FRMD3: variants seen among roughly 807,000 people sequenced by gnomAD.
The protein encoded by FRMD3 is FERM domain containing 3.
Under a neutral mutation model 70.2 loss-of-function variants are expected in FRMD3, and 33 were observed. The ratio of observed to expected loss-of-function variants is 0.47; its 90% CI spans 0.36 to 0.63. The LOEUF is 0.63. FRMD3 is among the 20% of genes least tolerant of loss of function. The pLI is 0.00. For missense variants in FRMD3, 632 were observed against 711.4 expected (o/e 0.89, Z 1.27); for synonymous variants, 279 against 255.9 (o/e 1.09, Z -0.86).
At position 83,506,221 on chromosome 9, in the gene FRMD3, A is replaced by G. The variant is rs373417593; in HGVS notation, c.147+31864T>C. Among the ~76,000 whole-genome samples, 39 of 152,382 alleles carry G rather than the reference A, an allele frequency of 2.6e-4. No homozygotes were observed. In the East Asian group the frequency reaches 4.2e-3, roughly 17 times the overall value. On this transcript the variant is annotated intron_variant, in intron 1 of 13. Coordinates refer to ENST00000304195, the MANE Select transcript of FRMD3 (RefSeq NM_174938.6). ...ATTTTTTTTTAAAGTTAAAGCTAGC[A>G]AAGTAGTTTGTAATAGCCAAAACTA... is the stretch of plus-strand genomic sequence containing the variant.
At chr9:83,331,787 C>CT in intron 6 of FRMD3, 1 of 705,288 alleles carries the variant, frequency 1.4e-6, no homozygotes, top group South Asian at 1.5e-5. Context: ...AAAAACAACT[C>CT]TATTAGTCAA....
intron 1 of FRMD3, among the ~76,000 whole-genome samples, chr9:83,407,748 G>C (rs1171148930): frequency 6.6e-6 from 1 of 151,798 alleles, no homozygotes; most frequent in African/African-American, 2.4e-5. Flanking sequence ...CTATATTACT[G>C]GAGTCTGATG....
In FRMD3 at chr9:83,248,149, C is replaced by G. The variant is rs1174219680; in HGVS notation, c.1563G>C (p.Val521=). 6.2e-7 allele frequency: 1 copy of G among 1,614,162 alleles called. No individual in the cohort carries two copies. The highest frequency in any genetic ancestry group is 8.5e-7 in the Non-Finnish European group (1 of 1,180,032). Residue 521 remains valine (V), a synonymous_variant, in exon 14 of 14, where the codon GTG becomes GTC. Coordinates refer to ENST00000304195, the MANE Select transcript of FRMD3 (RefSeq NM_174938.6). ...TGGAAAAACTCTTGACCAGTGGGTTCACCCGAATATGGCCAGTCAGAATGT... is the reference window on the plus strand; with the variant it reads ...TGGAAAAACTCTTGACCAGTGGGTTGACCCGAATATGGCCAGTCAGAATGT... The part of the protein sequence containing the change: ...SYDILTGHIR[V]NPLVKSFSRL...
In FRMD3 at chr9:83,510,131, G is replaced by C. The variant is rs1352749738; in HGVS notation, c.147+27954C>G. ...GTCCCCCAGCCCCGCAGATGAAAGAGGTTTCAGCATGAAGATGCCCCATAG... is the reference window on the plus strand; with the variant it reads ...GTCCCCCAGCCCCGCAGATGAAAGACGTTTCAGCATGAAGATGCCCCATAG... On this transcript the variant is annotated intron_variant, in intron 1 of 13. Coordinates refer to ENST00000304195, the MANE Select transcript of FRMD3 (RefSeq NM_174938.6). Among the ~76,000 whole-genome samples the C allele has an allele frequency of 5.3e-5, 8 of 152,316 alleles. No individual in the cohort carries two copies. In the East Asian group the frequency reaches 1.3e-3, roughly 26 times the overall value.
chr9:83,407,278 C>T (rs2131331059), intron 1 of FRMD3, among the ~76,000 whole-genome samples: 2 of 152,278 alleles, frequency 1.3e-5, no homozygotes, highest in South Asian at 4.1e-4. Flanking sequence ...ATACTTGGTA[C>T]AAATATTCAT....
At chr9:83,316,616 T>G (rs1295281189) in intron 6 of FRMD3, among the ~76,000 whole-genome samples, 1 of 152,242 alleles carries the variant, frequency 6.6e-6, no homozygotes, top group Non-Finnish European at 1.5e-5. Context: ...TATATGTATA[T>G]AGAGAATATC....
intron 1 of FRMD3, among the ~76,000 whole-genome samples, chr9:83,475,117 T>C (rs1828363794): frequency 6.6e-6 from 1 of 152,104 alleles, no homozygotes; most frequent in Non-Finnish European, 1.5e-5. Context: ...AATTAAAAAT[T>C]ACCGGGCATA....
Position 83,246,282 on chromosome 9 carries a change from T to C in FRMD3, c.*1636A>G, listed in dbSNP as rs4877746. Reference sequence around the variant, plus strand: ...GAAGCTCTATGCTCCATGGCATAAGTTCTAGACTCTTATCTTTCTCCCACA... The same window carrying C: ...GAAGCTCTATGCTCCATGGCATAAGCTCTAGACTCTTATCTTTCTCCCACA... On this transcript the variant is annotated 3_prime_UTR_variant, in exon 14 of 14. Coordinates refer to ENST00000304195, the MANE Select transcript of FRMD3 (RefSeq NM_174938.6). The C allele has an allele frequency of 0.78, 767,223 of 983,940 alleles. 303,452 individuals carry two copies. The highest frequency in any genetic ancestry group is 0.96 in the East Asian group (8,400 of 8,744). 61.0% of individuals were successfully genotyped at this position (983,940 alleles called of 1,614,324 possible).
intron 13 of FRMD3, among the ~76,000 whole-genome samples, chr9:83,254,727 C>A: frequency 6.6e-6 from 1 of 152,026 alleles, no homozygotes; most frequent in East Asian, 1.9e-4. Flanking sequence ...TACAAACAAC[C>A]ATCAGAAAAT....
chr9:83,542,857 A>G (rs1186370663), upstream of FRMD3, among the ~76,000 whole-genome samples: 1 of 152,192 alleles, frequency 6.6e-6, no homozygotes, highest in Non-Finnish European at 1.5e-5. Flanking sequence ...GAGAAAGGAT[A>G]ATCTTTTTGA....
intron 1 of FRMD3, among the ~76,000 whole-genome samples, chr9:83,530,106 T>G (rs76285886): frequency 6.6e-6 from 1 of 152,102 alleles, no homozygotes; most frequent in Admixed American, 6.6e-5. Flanking sequence ...AAACACAGAG[T>G]TACCATATGA....
chr9:83,564,289 G>A, the FRMD3 span, among the ~76,000 whole-genome samples: 91 of 152,222 alleles, frequency 6.0e-4, no homozygotes, highest in East Asian at 0.014. Flanking sequence ...TCCACTTACT[G>A]CCTAAGCATT....
chr9:83,265,206 C>G (rs1833188603), intron 13 of FRMD3, among the ~76,000 whole-genome samples: 1 of 151,922 alleles, frequency 6.6e-6, no homozygotes, highest in Non-Finnish European at 1.5e-5. Context: ...TGGGATCATC[C>G]TGGCTAACAC....
intron 1 of FRMD3, among the ~76,000 whole-genome samples, chr9:83,442,173 C>T (rs182452336): frequency 1.3e-5 from 2 of 151,734 alleles, no homozygotes; most frequent in African/African-American, 2.4e-5. Context: ...TGAGAGTCTA[C>T]TAGTGCCAGA....
chr9:83,417,601 G>A (rs184831874), intron 1 of FRMD3, among the ~76,000 whole-genome samples: 7 of 152,206 alleles, frequency 4.6e-5, no homozygotes, highest in African/African-American at 1.7e-4. Context: ...ATATCCAAGA[G>A]GAGGTGTCTA....
chr9:83,273,202 T>C lies in FRMD3; in HGVS notation c.1195+17401A>G, dbSNP rs1286805128. ...TTGTCGAATAGAAAAGGGGGAAATGTGGGGAAAAGATAGAGAAATCAGATT... is the reference window on the plus strand; with the variant it reads ...TTGTCGAATAGAAAAGGGGGAAATGCGGGGAAAAGATAGAGAAATCAGATT... On this transcript the variant is annotated intron_variant, in intron 13 of 13. Coordinates refer to ENST00000304195, the MANE Select transcript of FRMD3 (RefSeq NM_174938.6). Among the ~76,000 whole-genome samples, 3 of 152,316 alleles carry C rather than the reference T, an allele frequency of 2.0e-5. No individual in the cohort carries two copies. The East Asian group carries it at 5.8e-4, about 29-fold the overall frequency.
intron 2 of FRMD3, among the ~76,000 whole-genome samples, chr9:83,374,355 A>G (rs1825076498): frequency 6.6e-6 from 1 of 152,108 alleles, no homozygotes; most frequent in Non-Finnish European, 1.5e-5. Context: ...GAGTCTTATA[A>G]GAGTTTCAAC....
chr9:83,471,686 C>G (rs1050649123), intron 1 of FRMD3, among the ~76,000 whole-genome samples: 1 of 152,166 alleles, frequency 6.6e-6, no homozygotes. Flanking sequence ...CTTTTCTGAC[C>G]ACAATGGGCT....
At chr9:83,320,405 G>C (rs918072811) in intron 6 of FRMD3, among the ~76,000 whole-genome samples, 2 of 152,110 alleles carry the variant, frequency 1.3e-5, no homozygotes, top group African/African-American at 4.8e-5. Flanking sequence ...CATCTATTGA[G>C]GTGATCATGT....
Sources: allele counts gnomAD v4.1 joint callset (sites outside exome capture counted in the v4.1 genomes callset), GRCh38; gene constraint gnomAD v4.1.1; transcripts MANE v1.5; gene names NCBI Gene and HGNC (gene_info 2026-07-23, HGNC 2026-07-21).